The following DCLK1 variants were observed in gnomAD, a reference collection of about 807,000 sequenced individuals.
The protein encoded by DCLK1 is serine/threonine-protein kinase DCLK1.
DCLK1 carries 16 observed loss-of-function variants against 86.2 expected under a neutral mutation model. The ratio of observed to expected loss-of-function variants is 0.19; its 90% CI spans 0.13 to 0.28. The LOEUF (loss-of-function observed/expected upper bound fraction) is 0.28, where lower values mean the gene tolerates loss of function less well. Ranked by LOEUF, DCLK1 falls within the 10% of genes least tolerant of loss-of-function variation. The pLI is 1.00. For synonymous variants in DCLK1, 369 were observed against 370.5 expected, an observed-to-expected ratio of 1.00 and a Z score of 0.05; for missense variants, 590 against 940.2, an observed-to-expected ratio of 0.63 and a Z score of 4.87.
intron 16 of DCLK1, among the ~76,000 whole-genome samples, chr13:35,780,379 T>C (rs1291750020): frequency 6.6e-6 from 1 of 152,194 alleles, no homozygotes; most frequent in African/African-American, 2.4e-5. Context: ...AGTGTTTCCT[T>C]AGTAAGTTAC....
intron 15 of DCLK1, among the ~76,000 whole-genome samples, chr13:35,795,774 G>C (rs887525992): frequency 1.3e-5 from 2 of 151,956 alleles, no homozygotes; most frequent in Non-Finnish European, 2.9e-5. Context: ...TACAAAATTA[G>C]CTGGGCATGG....
rs542584973 is a variant in DCLK1 at position 35,861,803 on chromosome 13, G to T, written c.941-7210C>A. On this transcript the variant is annotated intron_variant, in intron 5 of 16. Transcript: ENST00000360631. ...GCACTTTGGGAGGCCGAGGCAGGTA[G>T]ATCACGAGGTCAGAAGATCGAGACC... 3.5e-5 allele frequency among the ~76,000 whole-genome samples: 5 copies of T among 142,422 alleles called. No individual in the cohort carries two copies. In the East Asian group the frequency reaches 9.7e-4, roughly 28 times the overall value. The allele number at this position is 142,422 out of a possible 152,430, so 93.4% of individuals were successfully genotyped here.
intron 4 of DCLK1, among the ~76,000 whole-genome samples, chr13:35,944,617 G>A (rs544692742): frequency 5.9e-5 from 9 of 152,248 alleles, no homozygotes; most frequent in Admixed American, 3.9e-4. Flanking sequence ...AATTTAGATC[G>A]TTTTTCTATT....
At chr13:35,825,564 C>G (rs1057089656) in intron 10 of DCLK1, among the ~76,000 whole-genome samples, 1 of 152,038 alleles carries the variant, frequency 6.6e-6, no homozygotes, top group Non-Finnish European at 1.5e-5. Flanking sequence ...CATTTAGTCT[C>G]AGCACTCCAA....
chr13:36,040,940 T>G (rs1882682209), intron 3 of DCLK1, among the ~76,000 whole-genome samples: 1 of 152,148 alleles, frequency 6.6e-6, no homozygotes, highest in African/African-American at 2.4e-5. Flanking sequence ...TTTGTTTTAT[T>G]TTGTTTTTAT....
At chr13:36,080,908 G>A (rs1884399364) in intron 3 of DCLK1, among the ~76,000 whole-genome samples, 1 of 152,072 alleles carries the variant, frequency 6.6e-6, no homozygotes, top group East Asian at 1.9e-4. Flanking sequence ...TCACAACTGG[G>A]GGAAGGGAGT....
intron 3 of DCLK1, among the ~76,000 whole-genome samples, chr13:36,100,225 C>CAT (rs1885169724): frequency 1.7e-5 from 2 of 116,688 alleles, no homozygotes; most frequent in Admixed American, 9.6e-5. Context: ...CACACACACA[C>CAT]AAAATTAGCC....
chr13:36,088,335 A>T (rs1329849418), intron 3 of DCLK1, among the ~76,000 whole-genome samples: 1 of 152,246 alleles, frequency 6.6e-6, no homozygotes, highest in Non-Finnish European at 1.5e-5. Context: ...GGGCACTCCC[A>T]TTGTGAGCAG....
At chr13:35,906,895 C>T (rs1217465319) in intron 4 of DCLK1, among the ~76,000 whole-genome samples, 1 of 152,098 alleles carries the variant, frequency 6.6e-6, no homozygotes, top group Non-Finnish European at 1.5e-5. Context: ...AAGCCAGAGT[C>T]GAGGGCCCGG....
At chr13:35,862,507 C>CGCCATG (rs1162813426) in intron 5 of DCLK1, among the ~76,000 whole-genome samples, 3 of 152,112 alleles carry the variant, frequency 2.0e-5, no homozygotes, top group Non-Finnish European at 4.4e-5. Context: ...TTTTTTCCAC[C>CGCCATG]GCCATGCCAC....
At chr13:35,894,341 C>T (rs145460416) in intron 4 of DCLK1, among the ~76,000 whole-genome samples, 4 of 152,312 alleles carry the variant, frequency 2.6e-5, no homozygotes, top group African/African-American at 4.8e-5. Flanking sequence ...CACAGCTACA[C>T]GGCATCTGCG....
Position 35,939,535 on chromosome 13 carries a change from G to A in DCLK1, c.823+7823C>T, listed in dbSNP as rs147144051. Among the ~76,000 whole-genome samples, 1,031 of 152,300 alleles carry A rather than the reference G, an allele frequency of 6.8e-3. 14 individuals carry two copies. The highest frequency in any genetic ancestry group is 0.024 in the African/African-American group (980 of 41,576). On this transcript the variant is annotated intron_variant, in intron 4 of 16. Coordinates refer to ENST00000360631, the MANE Select transcript of DCLK1 (RefSeq NM_001330071.2). ...TCCTCCCACCTCAGCCTGCCAAGTAGCTGGAACTACAGGTGTGCTCCACCA... is the reference window on the plus strand; with the variant it reads ...TCCTCCCACCTCAGCCTGCCAAGTAACTGGAACTACAGGTGTGCTCCACCA...
chr13:36,035,711 T>C (rs1239290145), intron 3 of DCLK1, among the ~76,000 whole-genome samples: 3 of 152,162 alleles, frequency 2.0e-5, no homozygotes, highest in African/African-American at 4.8e-5. Flanking sequence ...CTTGTGCTGA[T>C]ATAATTTTGT....
At chr13:35,956,242 G>A (rs1877968142) in intron 3 of DCLK1, among the ~76,000 whole-genome samples, 1 of 152,124 alleles carries the variant, frequency 6.6e-6, no homozygotes, top group South Asian at 2.1e-4. Context: ...AAGATTAAGG[G>A]TGACCAAGCC....
intron 1 of DCLK1, among the ~76,000 whole-genome samples, chr13:36,127,460 A>C (rs143270450): frequency 4.7e-4 from 72 of 152,326 alleles, no homozygotes; most frequent in African/African-American, 1.6e-3. Context: ...CTAGCTGTGT[A>C]AGCTTGAAAA....
Position 35,967,853 on chromosome 13 carries a change from T to C in DCLK1, c.724-20396A>G, listed in dbSNP as rs552654714. ...ACTAAAAAAAATTTAAAAAAAAAAG[T>C]AAAAAATAAAAATACAAAAGTTAGC... is the stretch of plus-strand genomic sequence containing the variant. On this transcript the variant is annotated intron_variant, in intron 3 of 16. Transcript: ENST00000360631. Among the ~76,000 whole-genome samples the C allele has an allele frequency of 4.0e-5, 6 of 148,628 alleles. No individual in the cohort carries two copies. The East Asian group carries it at 1.2e-3, about 29-fold the overall frequency.
chr13:35,963,640 G>A (rs979637589), intron 3 of DCLK1, among the ~76,000 whole-genome samples: 19 of 152,266 alleles, frequency 1.2e-4, no homozygotes, highest in African/African-American at 4.6e-4. Flanking sequence ...ATCTCATCTT[G>A]AATGGTAATC....
At chr13:36,008,093 T>A (rs1253377420) in intron 3 of DCLK1, among the ~76,000 whole-genome samples, 2 of 149,992 alleles carry the variant, frequency 1.3e-5, no homozygotes, top group Non-Finnish European at 3.0e-5. Context: ...TCCAATCACT[T>A]AACTACTAAC....
At chr13:36,111,170 T>TGA (rs1885604397) in intron 3 of DCLK1, among the ~76,000 whole-genome samples, 1 of 151,944 alleles carries the variant, frequency 6.6e-6, no homozygotes, top group African/African-American at 2.4e-5. Flanking sequence ...ACCATCAAGG[T>TGA]TCTGTCAAAC....
Sources: gnomAD v4.1 joint callset for allele counts (sites outside exome capture counted in the v4.1 genomes callset) on GRCh38, gnomAD v4.1.1 for gene constraint, MANE v1.5 for transcripts, NCBI Gene and HGNC (gene_info 2026-07-23, HGNC 2026-07-21) for gene names.